The following LOC400499 variants were observed in gnomAD, a reference collection of about 807,000 sequenced individuals.
At chr16:11,426,380 T>G in the LOC400499 span, among the ~76,000 whole-genome samples, 1 of 151,826 alleles carries the variant, frequency 6.6e-6, no homozygotes, top group African/African-American at 2.4e-5. Context: ...AGGTTGCAGG[T>G]TGCAATGAGC....
chr16:11,385,195 T>G, the LOC400499 span: 4 of 1,231,784 alleles, frequency 3.2e-6, no homozygotes, highest in Non-Finnish European at 4.1e-6. Context: ...CAGGCTGCCA[T>G]GCCTCTCCTG....
chr16:11,495,437 G>C, the LOC400499 span, among the ~76,000 whole-genome samples: 6 of 150,756 alleles, frequency 4.0e-5, no homozygotes, highest in South Asian at 1.3e-3. Flanking sequence ...CTGGAGTGCA[G>C]TGGCCCTATC....
At chr16:11,438,670 T>C in the LOC400499 span, among the ~76,000 whole-genome samples, 3 of 146,720 alleles carry the variant, frequency 2.0e-5, no homozygotes, top group Admixed American at 1.4e-4. Flanking sequence ...GTGCCTGTGG[T>C]ACCAGCTACT....
the LOC400499 span, among the ~76,000 whole-genome samples, chr16:11,495,230 A>C: frequency 6.6e-6 from 1 of 151,698 alleles, no homozygotes; most frequent in East Asian, 1.9e-4. Context: ...AAAAAAAAGA[A>C]AACAAAACAA....
chr16:11,501,638 T>C, the LOC400499 span, among the ~76,000 whole-genome samples: 4 of 151,982 alleles, frequency 2.6e-5, no homozygotes, highest in Admixed American at 1.3e-4. Flanking sequence ...CCCTCTGAGA[T>C]TGGGAGTCTC....
chr16:11,391,636 AG>A, the LOC400499 span: 1 of 1,231,776 alleles, frequency 8.1e-7, no homozygotes, highest in East Asian at 3.2e-5. Flanking sequence ...ATTTCCGCAC[AG>A]GATTGAGCCC....
chr16:11,439,626 G>C, the LOC400499 span: 1 of 399,062 alleles, frequency 2.5e-6, no homozygotes, highest in South Asian at 1.3e-4. Context: ...AACAGAGAGA[G>C]AGATGCAGAA....
At chr16:11,449,664 C>G in the LOC400499 span, among the ~76,000 whole-genome samples, 1 of 152,236 alleles carries the variant, frequency 6.6e-6, no homozygotes. Flanking sequence ...TTGGGCGTGG[C>G]TGAGCCTCCA....
At chr16:11,474,169 T>A in the LOC400499 span, among the ~76,000 whole-genome samples, 4 of 152,244 alleles carry the variant, frequency 2.6e-5, no homozygotes, top group African/African-American at 9.6e-5. Flanking sequence ...ATAGTCAATA[T>A]TTTATGCTTT....
chr16:11,485,958 G>A, the LOC400499 span, among the ~76,000 whole-genome samples: 1 of 152,186 alleles, frequency 6.6e-6, no homozygotes. Context: ...TGGGAGGGTG[G>A]GTATGTCCAT....
At chr16:11,464,139 C>T in the LOC400499 span, among the ~76,000 whole-genome samples, 2 of 141,300 alleles carry the variant, frequency 1.4e-5, no homozygotes, top group Admixed American at 7.3e-5. Context: ...TAAATATGGA[C>T]GTGTGTATGA....
chr16:11,457,211 A>T, the LOC400499 span: 1,373 of 604,628 alleles, frequency 2.3e-3, 5 homozygotes, highest in Middle Eastern at 7.1e-3. Context: ...GTTGGTAAGG[A>T]TGTGGAGAAA....
At chr16:11,423,410 G>C in the LOC400499 span, among the ~76,000 whole-genome samples, 1 of 152,222 alleles carries the variant, frequency 6.6e-6, no homozygotes, top group Non-Finnish European at 1.5e-5. Context: ...GGACTTGAGG[G>C]CGAAGCCACG....
At chr16:11,510,835 GC>G in the LOC400499 span, among the ~76,000 whole-genome samples, 1 of 151,496 alleles carries the variant, frequency 6.6e-6, no homozygotes. Flanking sequence ...GGAAGACAGG[GC>G]CAAGCCAGGG....
the LOC400499 span, among the ~76,000 whole-genome samples, chr16:11,476,310 C>T: frequency 6.6e-6 from 1 of 152,118 alleles, no homozygotes; most frequent in South Asian, 2.1e-4. Context: ...CTCCAAGAGT[C>T]ACCTCCTTAG....
chr16:11,385,594 A>C, the LOC400499 span, among the ~76,000 whole-genome samples: 1 of 152,344 alleles, frequency 6.6e-6, no homozygotes, highest in Non-Finnish European at 1.5e-5. Context: ...CACCGGCTTC[A>C]AGATGACATG....
the LOC400499 span, among the ~76,000 whole-genome samples, chr16:11,525,538 T>G: frequency 6.6e-6 from 1 of 152,162 alleles, no homozygotes; most frequent in Admixed American, 6.5e-5. Context: ...CTTCCAACTT[T>G]CCTTCAACTC....
chr16:11,503,924 G>GCTTC, the LOC400499 span, among the ~76,000 whole-genome samples: 5 of 152,210 alleles, frequency 3.3e-5, no homozygotes, highest in African/African-American at 9.6e-5. Context: ...TTCCAGGCCT[G>GCTTC]CTTCCTTCCT....
At chr16:11,527,194 C>G in the LOC400499 span, among the ~76,000 whole-genome samples, 1 of 152,180 alleles carries the variant, frequency 6.6e-6, no homozygotes, top group East Asian at 1.9e-4. Context: ...GGGCCAGCCC[C>G]GTGCCACCAG....
Sources: gnomAD v4.1 joint callset for allele counts (sites outside exome capture counted in the v4.1 genomes callset) on GRCh38, gnomAD v4.1.1 for gene constraint, MANE v1.5 for transcripts.